The following NR3C2 variants were observed in gnomAD, a reference collection of about 807,000 sequenced individuals.
NR3C2 encodes the protein nuclear receptor subfamily 3 group C member 2, also known as mineralocorticoid receptor.
In NR3C2, 15 loss-of-function variants were observed where a neutral mutation model predicts 86.4. The ratio of observed to expected loss-of-function variants is 0.17; its 90% CI spans 0.12 to 0.27. The LOEUF (loss-of-function observed/expected upper bound fraction) is 0.27. Among genes scored for constraint, NR3C2 ranks in the 10% least tolerant of loss-of-function variants. The probability of loss-of-function intolerance (pLI) is 1.00; values close to 1 mark genes in which losing one functional copy is unlikely to be tolerated. For missense variants in NR3C2, 960 were observed against 1,195.6 expected, an observed-to-expected ratio of 0.80 and a Z score of 2.91; for synonymous variants, 458 against 450.5, an observed-to-expected ratio of 1.02 and a Z score of -0.21.
chr4:148,134,877 G>A (rs982788183), intron 6 of NR3C2, among the ~76,000 whole-genome samples: 11 of 150,912 alleles, frequency 7.3e-5, no homozygotes, highest in Non-Finnish European at 1.0e-4. Flanking sequence ...GGCTGGTCTC[G>A]AACTCCTGAC....
At chr4:148,287,244 C>G (rs763227961) in intron 2 of NR3C2, among the ~76,000 whole-genome samples, 1 of 152,176 alleles carries the variant, frequency 6.6e-6, no homozygotes, top group Non-Finnish European at 1.5e-5. Context: ...CCCTCTTTTG[C>G]AAGCATTCAC....
chr4:148,103,027 A>T (rs1272408686), intron 8 of NR3C2, among the ~76,000 whole-genome samples: 3 of 152,124 alleles, frequency 2.0e-5, no homozygotes, highest in African/African-American at 7.2e-5. Flanking sequence ...TCTCTTGGAT[A>T]CAAGGACATT....
At chr4:148,128,880 C>G (rs1321031689) in intron 6 of NR3C2, among the ~76,000 whole-genome samples, 1 of 152,132 alleles carries the variant, frequency 6.6e-6, no homozygotes, top group Non-Finnish European at 1.5e-5. Context: ...AAGAAATAGC[C>G]CTTTGCAGAA....
chr4:148,306,417 G>A (rs1322226473), intron 2 of NR3C2, among the ~76,000 whole-genome samples: 2 of 152,170 alleles, frequency 1.3e-5, no homozygotes, highest in African/African-American at 4.8e-5. Flanking sequence ...TCACTCCTAT[G>A]TCGGAGGGTA....
chr4:148,082,278 C>G (rs1313959778), intron 8 of NR3C2, among the ~76,000 whole-genome samples: 6 of 152,208 alleles, frequency 3.9e-5, no homozygotes, highest in Non-Finnish European at 7.3e-5. Context: ...GCTGGCAATA[C>G]GGCCAAATAG....
intron 2 of NR3C2, among the ~76,000 whole-genome samples, chr4:148,348,563 T>C (rs1478645826): frequency 6.6e-6 from 1 of 152,182 alleles, no homozygotes; most frequent in Non-Finnish European, 1.5e-5. Flanking sequence ...CCTTTTTGTA[T>C]AGCATGAGAT....
intron 3 of NR3C2, among the ~76,000 whole-genome samples, chr4:148,209,367 C>T (rs1165555423): frequency 6.6e-6 from 1 of 152,144 alleles, no homozygotes; most frequent in African/African-American, 2.4e-5. Flanking sequence ...GTAGCCTCAA[C>T]CTTCTGGGCT....
intron 2 of NR3C2, among the ~76,000 whole-genome samples, chr4:148,308,449 T>C (rs1026853183): frequency 2.0e-5 from 3 of 152,042 alleles, no homozygotes; most frequent in African/African-American, 7.2e-5. Context: ...CTAAAAAAAC[T>C]ACATGATGAG....
At chr4:148,377,034 T>A (rs1746713941) in intron 2 of NR3C2, among the ~76,000 whole-genome samples, 1 of 152,226 alleles carries the variant, frequency 6.6e-6, no homozygotes, top group South Asian at 2.1e-4. Flanking sequence ...TCACACTTTT[T>A]AAATCTTGAC....
At position 148,229,146 on chromosome 4, in the gene NR3C2, C is replaced by T. The variant is rs566831481; in HGVS notation, c.1897+30832G>A. ...TAGATGCAGGAGGCAGATAAGGGAACCTGCACAGGATCTCACCCAGGCATG... is the reference window on the plus strand; with the variant it reads ...TAGATGCAGGAGGCAGATAAGGGAATCTGCACAGGATCTCACCCAGGCATG... On this transcript the variant is annotated intron_variant, in intron 3 of 8. Transcript: ENST00000358102. Among the ~76,000 whole-genome samples, 6 of 152,242 alleles carry T rather than the reference C, an allele frequency of 3.9e-5. No individual in the cohort carries two copies. In the South Asian group the frequency reaches 1.2e-3, roughly 32 times the overall value.
At chr4:148,264,261 GAC>G (rs1740266389) in intron 2 of NR3C2, among the ~76,000 whole-genome samples, 1 of 152,178 alleles carries the variant, frequency 6.6e-6, no homozygotes, top group South Asian at 2.1e-4. Context: ...AGTCTCTATT[GAC>G]ACACTATCAT....
chr4:148,433,533 GCATACTAA>G (rs1749898723), intron 2 of NR3C2, among the ~76,000 whole-genome samples: 2 of 152,048 alleles, frequency 1.3e-5, no homozygotes, highest in Admixed American at 6.6e-5. Context: ...CATATACAAT[GCATACTAA>G]CATACTGGAA....
chr4:148,171,384 C>A (rs745450530), intron 4 of NR3C2, among the ~76,000 whole-genome samples: 2 of 152,218 alleles, frequency 1.3e-5, no homozygotes, highest in Admixed American at 1.3e-4. Context: ...TATCTAGGCA[C>A]ACATTTTTAT....
At chr4:148,346,593 T>A (rs563614780) in intron 2 of NR3C2, among the ~76,000 whole-genome samples, 1 of 152,156 alleles carries the variant, frequency 6.6e-6, no homozygotes, top group East Asian at 1.9e-4. Flanking sequence ...ACTAGCCACA[T>A]GTTGTCTATG....
intron 2 of NR3C2, among the ~76,000 whole-genome samples, chr4:148,293,956 T>C (rs998646932): frequency 1.3e-5 from 2 of 152,144 alleles, no homozygotes; most frequent in South Asian, 2.1e-4. Context: ...ACAGGGCCCA[T>C]CTTCCATGCA....
Position 148,235,709 on chromosome 4 carries a change from C to G in NR3C2, c.1897+24269G>C, listed in dbSNP as rs1027854042. On this transcript the variant is annotated intron_variant, in intron 3 of 8. Coordinates refer to ENST00000358102, the MANE Select transcript of NR3C2 (RefSeq NM_000901.5). ...TAGAAACAATAATTTAATTTTAAAC[C>G]AGGAGAATTTTTTTTAGTGTTAGGA... Among the ~76,000 whole-genome samples, 3 of 141,990 alleles carry G rather than the reference C, an allele frequency of 2.1e-5. No homozygotes were observed. The East Asian group carries it at 6.2e-4, about 29-fold the overall frequency. 93.2% of individuals were successfully genotyped at this position (141,990 alleles called of 152,430 possible). A position where few individuals can be genotyped will look rare whatever the true frequency, so the allele number is the denominator to read the frequency against.
intron 2 of NR3C2, among the ~76,000 whole-genome samples, chr4:148,333,701 A>G (rs1361172201): frequency 1.3e-5 from 2 of 152,154 alleles, no homozygotes; most frequent in Non-Finnish European, 2.9e-5. Flanking sequence ...TAGCTGATAT[A>G]AAATCAAGAA....
rs1051918378 is a variant in NR3C2 at position 148,079,115 on chromosome 4, A to C, written c.*2229T>G. 2 of 152,578 alleles carry C rather than the reference A, an allele frequency of 1.3e-5. No individual in the cohort carries two copies. Among genetic ancestry groups the C allele is most frequent in the African/African-American group, 2.4e-5 (1 of 41,462 alleles). The allele number at this position is 152,578 out of a possible 1,614,324, so 9.5% of individuals were successfully genotyped here. On this transcript the variant is annotated 3_prime_UTR_variant, in exon 9 of 9. Coordinates refer to ENST00000358102, the MANE Select transcript of NR3C2 (RefSeq NM_000901.5). Reference sequence around the variant, plus strand: ...ATCTCCATCCCAAACCTGGTTAAGTAAGTCAGAATTCCCATTTTATAAAAA... The same window carrying C: ...ATCTCCATCCCAAACCTGGTTAAGTCAGTCAGAATTCCCATTTTATAAAAA...
intron 4 of NR3C2, among the ~76,000 whole-genome samples, chr4:148,186,376 A>G (rs570729589): frequency 2.0e-5 from 3 of 152,184 alleles, no homozygotes; most frequent in South Asian, 4.2e-4. Context: ...CCCTTTGTCT[A>G]TAAGTTGTAT....
Sources: gnomAD v4.1 joint callset for allele counts (sites outside exome capture counted in the v4.1 genomes callset) on GRCh38, gnomAD v4.1.1 for gene constraint, MANE v1.5 for transcripts, NCBI Gene and HGNC (gene_info 2026-07-23, HGNC 2026-07-21) for gene names.